TENM3: variants seen among roughly 807,000 people sequenced by gnomAD.
The protein encoded by TENM3 is teneurin transmembrane protein 3.
TENM3 carries 63 observed loss-of-function variants against 255.1 expected under a neutral mutation model. That is an observed-to-expected ratio of 0.25 (90% CI 0.20 to 0.30). The LOEUF (loss-of-function observed/expected upper bound fraction) is 0.30, where lower values mean the gene tolerates loss of function less well. Among genes scored for constraint, TENM3 ranks in the 10% least tolerant of loss-of-function variants. The pLI is 1.00. For missense variants in TENM3, 2,929 were observed against 3,461.1 expected, an observed-to-expected ratio of 0.85 and a Z score of 3.86; for synonymous variants, 1,306 against 1,322.3, an observed-to-expected ratio of 0.99 and a Z score of 0.27.
chr4:182,053,119 T>G, the TENM3 span, among the ~76,000 whole-genome samples: 1 of 152,216 alleles, frequency 6.6e-6, no homozygotes, highest in East Asian at 1.9e-4. Flanking sequence ...TCTCCTGGCT[T>G]TTTAGCAGTA....
At chr4:181,497,681 A>G in the TENM3 span, among the ~76,000 whole-genome samples, 1 of 152,280 alleles carries the variant, frequency 6.6e-6, no homozygotes, top group South Asian at 2.1e-4. Context: ...TTGAAACTTC[A>G]GTACCTATTG....
the TENM3 span, among the ~76,000 whole-genome samples, chr4:181,487,626 A>T: frequency 6.6e-6 from 1 of 152,106 alleles, no homozygotes; most frequent in African/African-American, 2.4e-5. Context: ...TCCTAATATC[A>T]TTAATTTGGG....
chr4:182,692,300 T>C (rs1398068899), intron 12 of TENM3, among the ~76,000 whole-genome samples: 2 of 152,248 alleles, frequency 1.3e-5, no homozygotes, highest in Non-Finnish European at 2.9e-5. Context: ...GTCAATCACT[T>C]TTAAGTGTAA....
At chr4:181,913,158 C>T in the TENM3 span, among the ~76,000 whole-genome samples, 2,689 of 151,962 alleles carry the variant, frequency 0.018, 86 homozygotes, top group African/African-American at 0.061. Flanking sequence ...GGAACCAATG[C>T]GGGAATGAAA....
the TENM3 span, among the ~76,000 whole-genome samples, chr4:181,783,446 T>C: frequency 6.6e-6 from 1 of 152,116 alleles, no homozygotes; most frequent in Non-Finnish European, 1.5e-5. Context: ...GTATGTAAAA[T>C]TCATTGTCAA....
At chr4:182,615,455 A>C (rs2152438939) in intron 4 of TENM3, among the ~76,000 whole-genome samples, 1 of 152,308 alleles carries the variant, frequency 6.6e-6, no homozygotes, top group East Asian at 1.9e-4. Context: ...CCAAGAGAAA[A>C]GGAAAGAGAA....
At chr4:181,706,549 G>A in the TENM3 span, among the ~76,000 whole-genome samples, 1 of 152,126 alleles carries the variant, frequency 6.6e-6, no homozygotes, top group Admixed American at 6.6e-5. Flanking sequence ...TCCCACTGAT[G>A]GGTAGGATTC....
chr4:181,566,944 T>C, the TENM3 span, among the ~76,000 whole-genome samples: 3 of 152,184 alleles, frequency 2.0e-5, no homozygotes, highest in African/African-American at 7.2e-5. Context: ...GTACCAGGAA[T>C]TGTCTGTGAA....
At chr4:182,252,604 G>A (rs1262895250) in intron 1 of TENM3, among the ~76,000 whole-genome samples, 2 of 151,936 alleles carry the variant, frequency 1.3e-5, no homozygotes, top group Non-Finnish European at 2.9e-5. Context: ...TTTTTTTCCA[G>A]ATCACTGTTA....
intron 4 of TENM3, among the ~76,000 whole-genome samples, chr4:182,604,681 A>G (rs1352527079): frequency 6.6e-6 from 1 of 152,240 alleles, no homozygotes; most frequent in Non-Finnish European, 1.5e-5. Flanking sequence ...TAAACAGCTT[A>G]GTAGTTACCT....
the TENM3 span, among the ~76,000 whole-genome samples, chr4:181,540,607 C>T: frequency 6.6e-6 from 1 of 152,304 alleles, no homozygotes; most frequent in Admixed American, 6.5e-5. Context: ...GAAAAGATCA[C>T]TTTAGCCCTG....
chr4:181,565,936 T>C, the TENM3 span, among the ~76,000 whole-genome samples: 1 of 152,148 alleles, frequency 6.6e-6, no homozygotes, highest in South Asian at 2.1e-4. Flanking sequence ...GTTTGTTGAA[T>C]TAGTTAATTT....
intron 3 of TENM3, among the ~76,000 whole-genome samples, chr4:182,483,594 G>T (rs2124983): frequency 2.0e-5 from 3 of 152,136 alleles, no homozygotes; most frequent in African/African-American, 7.2e-5. Context: ...GTATGTCTAG[G>T]AAGGTATAGC....
intron 19 of TENM3, among the ~76,000 whole-genome samples, chr4:182,749,518 T>A (rs1004675033): frequency 9.9e-5 from 15 of 152,208 alleles, no homozygotes; most frequent in African/African-American, 3.6e-4. Flanking sequence ...GACGGTTAAT[T>A]CTTAGTGAGT....
chr4:181,861,554 T>C, the TENM3 span, among the ~76,000 whole-genome samples: 3 of 152,208 alleles, frequency 2.0e-5, no homozygotes, highest in South Asian at 6.2e-4. Context: ...AAGTTTTTTC[T>C]CTTTTTCTGG....
chr4:182,183,691 A>C (rs1752974965), intron 1 of TENM3, among the ~76,000 whole-genome samples: 1 of 152,126 alleles, frequency 6.6e-6, no homozygotes, highest in South Asian at 2.1e-4. Context: ...CATTTACAGA[A>C]CTGTCCCAAG....
At chr4:182,598,526 G>GT (rs1267185828) in intron 3 of TENM3, among the ~76,000 whole-genome samples, 31 of 152,294 alleles carry the variant, frequency 2.0e-4, no homozygotes, top group Non-Finnish European at 3.2e-4. Flanking sequence ...CAATGGTTAC[G>GT]TTTTTATTTA....
intron 3 of TENM3, among the ~76,000 whole-genome samples, chr4:182,373,405 C>G (rs1214293854): frequency 6.6e-6 from 1 of 152,174 alleles, no homozygotes; most frequent in Non-Finnish European, 1.5e-5. Context: ...GCAGACTACA[C>G]AAGAAGCATG....
chr4:182,756,953 C>CA (rs1762782682), intron 22 of TENM3, among the ~76,000 whole-genome samples: 2 of 151,986 alleles, frequency 1.3e-5, no homozygotes, highest in South Asian at 4.1e-4. Flanking sequence ...GCCAACGAAG[C>CA]AAAAAAGAGC....
Sources: gnomAD v4.1 joint callset for allele counts (sites outside exome capture counted in the v4.1 genomes callset) on GRCh38, gnomAD v4.1.1 for gene constraint, MANE v1.5 for transcripts, NCBI Gene and HGNC (gene_info 2026-07-23, HGNC 2026-07-21) for gene names.